The following GABBR2 variants were observed in gnomAD, a reference collection of about 807,000 sequenced individuals.
The protein encoded by GABBR2 is G-protein coupled receptor 51.
In GABBR2, 23 loss-of-function variants were observed where a neutral mutation model predicts 105.6. The ratio of observed to expected loss-of-function variants is 0.22; its 90% confidence interval spans 0.16 to 0.31. GABBR2 has a LOEUF of 0.31. Among genes scored for constraint, GABBR2 ranks in the 10% least tolerant of loss-of-function variants. The pLI is 1.00. For synonymous variants in GABBR2, 478 were observed against 499.7 expected (o/e 0.96, Z 0.58); for missense variants, 734 against 1,245.5 (o/e 0.59, Z 6.18).
intron 1 of GABBR2, among the ~76,000 whole-genome samples, chr9:98,593,642 G>T (rs997288241): frequency 1.6e-4 from 24 of 152,226 alleles, no homozygotes; most frequent in Middle Eastern, 3.4e-3. Context: ...AGCTGCCCAC[G>T]CTACCGACTT....
intron 3 of GABBR2, among the ~76,000 whole-genome samples, chr9:98,524,800 T>C (rs1477562854): frequency 6.6e-6 from 1 of 151,988 alleles, no homozygotes; most frequent in African/African-American, 2.4e-5. Context: ...TTTAAAAACC[T>C]AAGTCAGATA....
intron 1 of GABBR2, among the ~76,000 whole-genome samples, chr9:98,619,606 T>C (rs984919829): frequency 6.6e-6 from 1 of 152,212 alleles, no homozygotes; most frequent in Non-Finnish European, 1.5e-5. Context: ...CCTTTTTAAA[T>C]TGGTGCTCCT....
chr9:98,430,444 CCCA>C (rs1386673674), intron 7 of GABBR2, among the ~76,000 whole-genome samples: 4 of 152,112 alleles, frequency 2.6e-5, no homozygotes, highest in African/African-American at 9.6e-5. Flanking sequence ...TTCATTTCAC[CCCA>C]CTCCTGAGAT....
chr9:98,304,116 G>A (rs1333895302), intron 15 of GABBR2: 1 of 152,396 alleles, frequency 6.6e-6, no homozygotes, highest in African/African-American at 2.4e-5. Flanking sequence ...GGACTTCATG[G>A]TCCAGAGGCG....
intron 1 of GABBR2, among the ~76,000 whole-genome samples, chr9:98,596,698 T>G (rs902476861): frequency 2.0e-5 from 3 of 152,134 alleles, no homozygotes; most frequent in Admixed American, 1.3e-4. Context: ...CAACCAGGCT[T>G]TTAGACCCTG....
intron 7 of GABBR2, among the ~76,000 whole-genome samples, chr9:98,448,925 A>G (rs1452807817): frequency 6.6e-6 from 1 of 152,104 alleles, no homozygotes; most frequent in African/African-American, 2.4e-5. Context: ...AGTTTAAAAA[A>G]AAAAAAAAAG....
intron 12 of GABBR2, among the ~76,000 whole-genome samples, chr9:98,363,145 C>T (rs1040907252): frequency 2.6e-5 from 4 of 152,166 alleles, no homozygotes; most frequent in Admixed American, 1.3e-4. Flanking sequence ...GTTCTTTTGT[C>T]TGGAATACCC....
chr9:98,559,591 G>T (rs1828636253), intron 2 of GABBR2, among the ~76,000 whole-genome samples: 1 of 152,074 alleles, frequency 6.6e-6, no homozygotes, highest in South Asian at 2.1e-4. Context: ...TTTACTTTCA[G>T]CTCTTTTAAA....
chr9:98,613,793 G>A (rs1829542284), intron 1 of GABBR2, among the ~76,000 whole-genome samples: 2 of 152,146 alleles, frequency 1.3e-5, no homozygotes, highest in Non-Finnish European at 2.9e-5. Flanking sequence ...CACCATATGC[G>A]CTAAGTACAA....
intron 7 of GABBR2, among the ~76,000 whole-genome samples, chr9:98,420,483 CT>C (rs35866432): frequency 0.78 from 118,863 of 152,112 alleles, 46,545 homozygotes; most frequent in East Asian, 0.89. Flanking sequence ...GGAATTTACA[CT>C]TTTTTTGTTG....
At chr9:98,647,599 C>T (rs371629193) in intron 1 of GABBR2, among the ~76,000 whole-genome samples, 35 of 152,310 alleles carry the variant, frequency 2.3e-4, no homozygotes, top group African/African-American at 4.8e-4. Flanking sequence ...TGGCACCCGA[C>T]GGGTTGTGCC....
At position 98,348,747 on chromosome 9, in the gene GABBR2, C is replaced by T. The variant is rs551324037; in HGVS notation, c.1893+13968G>A. ...AATTTGTTATTGGTGTATAGAGATA[C>T]TACTGACTTTTACATCTTGATTTTC... On this transcript the variant is annotated intron_variant, in intron 13 of 18. Transcript: ENST00000259455. Among the ~76,000 whole-genome samples the T allele has an allele frequency of 1.4e-3, 210 of 152,272 alleles. 1 individual carries two copies. The highest frequency in any genetic ancestry group is 2.7e-3 in the Non-Finnish European group (184 of 68,014).
intron 1 of GABBR2, among the ~76,000 whole-genome samples, chr9:98,685,956 CG>C (rs1564151487): frequency 6.6e-6 from 1 of 152,104 alleles, no homozygotes; most frequent in East Asian, 1.9e-4. Flanking sequence ...CACAAAGTAT[CG>C]GGATTACAGG....
rs10986419 is a variant in GABBR2, at chr9:98,496,674, C to T, written c.631-160G>A. Among the ~76,000 whole-genome samples, 6,153 of 152,216 alleles carry T rather than the reference C, an allele frequency of 0.04. 136 individuals carry two copies. Among genetic ancestry groups the T allele is most frequent in the Non-Finnish European group, 0.062 (4,239 of 67,994 alleles). On this transcript the variant is annotated intron_variant, in intron 3 of 18. Transcript: ENST00000259455. ...TTACATTATTAACTAGACCGCCCCA[C>T]AAAAACTTGAGGATCCCCCAGTCCC...
intron 9 of GABBR2, 36 bp from the exon 10 acceptor site, chr9:98,389,040 T>C (rs1476708544): frequency 1.8e-5 from 29 of 1,580,208 alleles, no homozygotes; most frequent in Non-Finnish European, 2.4e-5. Context: ...TGGGACCCAA[T>C]GCAAGTCATT....
chr9:98,489,365 C>T (rs1051545715), intron 4 of GABBR2, among the ~76,000 whole-genome samples: 3 of 152,184 alleles, frequency 2.0e-5, no homozygotes, highest in Non-Finnish European at 4.4e-5. Context: ...TGGCTGCTGG[C>T]ACAGCGCTGA....
intron 3 of GABBR2, 110 bp from the exon 4 acceptor site, chr9:98,496,624 A>T: frequency 1.4e-6 from 1 of 734,790 alleles, no homozygotes; most frequent in East Asian, 2.5e-5. Context: ...TTCTCTACCG[A>T]CAATGCAAAG....
intron 12 of GABBR2, among the ~76,000 whole-genome samples, chr9:98,365,189 A>AAAGTTTCCTTTG (rs1831655076): frequency 6.6e-6 from 1 of 152,086 alleles, no homozygotes; most frequent in African/African-American, 2.4e-5. Context: ...CTTTGCTAGG[A>AAAGTTTCCTTTG]CTCAGTTTCC....
chr9:98,542,446 A>C (rs562047918), intron 2 of GABBR2, among the ~76,000 whole-genome samples: 1 of 152,336 alleles, frequency 6.6e-6, no homozygotes, highest in East Asian at 1.9e-4. Context: ...ATAGCTGCAC[A>C]ATATTCCAGC....
Sources: allele counts gnomAD v4.1 joint callset (sites outside exome capture counted in the v4.1 genomes callset), GRCh38; gene constraint gnomAD v4.1.1; transcripts MANE v1.5; gene names NCBI Gene and HGNC (gene_info 2026-07-23, HGNC 2026-07-21).